Variants in PPARGC1A observed in about 807,000 individuals in gnomAD.
PPARGC1A encodes peroxisome proliferator-activated receptor gamma coactivator 1-alpha.
A neutral mutation model predicts 88.7 loss-of-function variants in PPARGC1A; 25 were observed. That is an observed-to-expected ratio of 0.28 (90% confidence interval 0.21 to 0.39). The LOEUF (loss-of-function observed/expected upper bound fraction) is 0.39, where lower values mean the gene tolerates loss of function less well. PPARGC1A is among the 10% of genes least tolerant of loss of function. The pLI is 1.00. For missense variants in PPARGC1A, 880 were observed against 968.7 expected (o/e 0.91, Z 1.22); for synonymous variants, 363 against 355.6 (o/e 1.02, Z -0.24).
At chr4:24,314,188 T>C in the PPARGC1A span, among the ~76,000 whole-genome samples, 1 of 152,240 alleles carries the variant, frequency 6.6e-6, no homozygotes, top group African/African-American at 2.4e-5. Flanking sequence ...AGCAGTCATG[T>C]GGAACTAGGA....
chr4:24,387,878 G>A, the PPARGC1A span, among the ~76,000 whole-genome samples: 94 of 106,132 alleles, frequency 8.9e-4, 6 homozygotes, highest in African/African-American at 3.4e-3. Flanking sequence ...GGAAGAAAGA[G>A]AAAGAAAGAA....
At chr4:24,188,200 T>C in the PPARGC1A span, among the ~76,000 whole-genome samples, 1 of 151,698 alleles carries the variant, frequency 6.6e-6, no homozygotes, top group Non-Finnish European at 1.5e-5. Context: ...AGAAAAATGG[T>C]ACCAGATAGA....
At chr4:24,079,183 T>A in the PPARGC1A span, among the ~76,000 whole-genome samples, 2 of 152,084 alleles carry the variant, frequency 1.3e-5, no homozygotes, top group Non-Finnish European at 2.9e-5. Flanking sequence ...GTATTTTAAA[T>A]TTTTAAACTA....
chr4:23,929,208 A>C, the PPARGC1A span, among the ~76,000 whole-genome samples: 2 of 152,352 alleles, frequency 1.3e-5, no homozygotes, highest in East Asian at 3.9e-4. Flanking sequence ...ATTAAATGTT[A>C]GGTCAACCCA....
At chr4:24,081,327 T>C in the PPARGC1A span, among the ~76,000 whole-genome samples, 12 of 152,262 alleles carry the variant, frequency 7.9e-5, no homozygotes, top group East Asian at 2.3e-3. Context: ...TTGTGCTATT[T>C]AAGGCTCATC....
the PPARGC1A span, among the ~76,000 whole-genome samples, chr4:24,112,592 C>A: frequency 6.6e-6 from 1 of 152,082 alleles, no homozygotes; most frequent in African/African-American, 2.4e-5. Flanking sequence ...CTATCTGCTT[C>A]CAAGAGGAAA....
the PPARGC1A span, among the ~76,000 whole-genome samples, chr4:24,318,827 CA>C: frequency 6.6e-6 from 1 of 152,070 alleles, no homozygotes; most frequent in Non-Finnish European, 1.5e-5. Context: ...ATTTTACAAA[CA>C]AAAAACAGAT....
At chr4:24,117,420 G>A in the PPARGC1A span, among the ~76,000 whole-genome samples, 1 of 152,020 alleles carries the variant, frequency 6.6e-6, no homozygotes, top group Non-Finnish European at 1.5e-5. Flanking sequence ...GTATTAACAT[G>A]GCCTCTTATA....
At chr4:24,276,897 C>T in the PPARGC1A span, among the ~76,000 whole-genome samples, 1 of 152,112 alleles carries the variant, frequency 6.6e-6, no homozygotes, top group Non-Finnish European at 1.5e-5. Flanking sequence ...AGTCTAGGAT[C>T]ACATATAACC....
chr4:24,253,264 T>TC, the PPARGC1A span, among the ~76,000 whole-genome samples: 47,313 of 152,072 alleles, frequency 0.31, 8,425 homozygotes, highest in Non-Finnish European at 0.4. Context: ...CTTTTACTGC[T>TC]CTTTTTGTTC....
At chr4:24,423,431 C>A in the PPARGC1A span, among the ~76,000 whole-genome samples, 2 of 151,408 alleles carry the variant, frequency 1.3e-5, no homozygotes, top group African/African-American at 4.9e-5. Flanking sequence ...GTTAAACTAG[C>A]AGAATAAAAC....
chr4:24,317,662 C>CAGAGA, the PPARGC1A span, among the ~76,000 whole-genome samples: 1 of 136,862 alleles, frequency 7.3e-6, no homozygotes, highest in Non-Finnish European at 1.5e-5. Flanking sequence ...ATCTTGTAGA[C>CAGAGA]AGAGAAATCA....
the PPARGC1A span, among the ~76,000 whole-genome samples, chr4:23,990,557 G>A: frequency 3.3e-5 from 5 of 152,104 alleles, no homozygotes; most frequent in South Asian, 4.1e-4. Context: ...TTTTATCACC[G>A]TAAGAACTCT....
the PPARGC1A span, among the ~76,000 whole-genome samples, chr4:24,361,497 C>T: frequency 2.6e-5 from 4 of 152,182 alleles, no homozygotes; most frequent in African/African-American, 9.7e-5. Context: ...TTCTGTTTGA[C>T]TCTCTCTGCC....
chr4:23,918,709 T>C, the PPARGC1A span, among the ~76,000 whole-genome samples: 1 of 152,194 alleles, frequency 6.6e-6, no homozygotes, highest in Admixed American at 6.5e-5. Context: ...TCAGTAGATT[T>C]CATGGTCCCC....
At chr4:24,201,748 T>C in the PPARGC1A span, among the ~76,000 whole-genome samples, 2 of 152,188 alleles carry the variant, frequency 1.3e-5, no homozygotes, top group African/African-American at 4.8e-5. Flanking sequence ...TTCATAAACA[T>C]ATATAATTAT....
chr4:23,999,082 G>C, the PPARGC1A span, among the ~76,000 whole-genome samples: 3 of 152,130 alleles, frequency 2.0e-5, no homozygotes, highest in Non-Finnish European at 4.4e-5. Flanking sequence ...CGTTTGGGCT[G>C]GTTACAGACA....
chr4:23,968,167 G>C, the PPARGC1A span, among the ~76,000 whole-genome samples: 2,500 of 152,250 alleles, frequency 0.016, 24 homozygotes, highest in Non-Finnish European at 0.026. Flanking sequence ...CTGTCCTCAA[G>C]CAAGTGACTT....
At chr4:24,283,173 A>AAGAC in the PPARGC1A span, among the ~76,000 whole-genome samples, 1 of 152,156 alleles carries the variant, frequency 6.6e-6, no homozygotes, top group African/African-American at 2.4e-5. Flanking sequence ...ATTTGATCCA[A>AAGAC]AAAGATCATG....
Sources: allele counts gnomAD v4.1 joint callset (sites outside exome capture counted in the v4.1 genomes callset), GRCh38; gene constraint gnomAD v4.1.1; transcripts MANE v1.5; gene names NCBI Gene and HGNC (gene_info 2026-07-23, HGNC 2026-07-21).